Variants in TRPC3 observed in about 807,000 individuals in gnomAD.
TRPC3 encodes the protein transient receptor potential cation channel subfamily C member 3, also known as short transient receptor potential channel 3.
Under a neutral mutation model 90.9 loss-of-function variants are expected in TRPC3, and 54 were observed. The ratio of observed to expected loss-of-function variants is 0.59; its 90% CI spans 0.48 to 0.75. The LOEUF (loss-of-function observed/expected upper bound fraction) is 0.75, where lower values mean the gene tolerates loss of function less well. TRPC3 is among the 30% of genes least tolerant of loss of function. The pLI, the probability that TRPC3 is intolerant of heterozygous loss-of-function variation, is 0.00. For missense variants in TRPC3, 918 were observed against 1,194.5 expected, an observed-to-expected ratio of 0.77 and a Z score of 3.41; for synonymous variants, 424 against 450.9, an observed-to-expected ratio of 0.94 and a Z score of 0.75.
At chr4:121,912,715 G>C (rs1046271735) in intron 4 of TRPC3, among the ~76,000 whole-genome samples, 1 of 152,102 alleles carries the variant, frequency 6.6e-6, no homozygotes, top group Non-Finnish European at 1.5e-5. Flanking sequence ...CCTCTAAGTA[G>C]GTTAACTTAT....
chr4:121,898,925 T>C (rs1728609626), intron 10 of TRPC3, among the ~76,000 whole-genome samples: 1 of 152,164 alleles, frequency 6.6e-6, no homozygotes, highest in Admixed American at 6.5e-5. Flanking sequence ...GGTTTCCTGC[T>C]TCTAAAAAAA....
In TRPC3 at chr4:121,878,079, A is replaced by T. The variant is rs906399085; in HGVS notation, c.*1657T>A. 6.6e-6 allele frequency among the ~76,000 whole-genome samples: 1 copy of T among 152,250 alleles called. No individual in the cohort carries two copies. The highest frequency in any genetic ancestry group is 1.5e-5 in the Non-Finnish European group (1 of 68,036). ...TTACTATCTTAACATATGGTAACAT[A>T]TAACAATGGAAAAATTCAATATTTT... On this transcript the variant is annotated 3_prime_UTR_variant, in exon 12 of 12. Transcript: ENST00000379645.
chr4:121,897,453 CAAAAAAAAAAAAAAAAAAAAAAA>C lies in TRPC3; in HGVS notation c.2547+2136_2547+2158del, dbSNP rs70950860. On this transcript the variant is annotated intron_variant, in intron 10 of 11. Transcript: ENST00000379645. ...ACAGGGAACTCAATCATCTCAACAGCAAAAAAAAAAAAAAAAAAAAAAAAAAAAAAAAAAAAAAATTCCAATTA... is the reference window on the plus strand; with the variant it reads ...ACAGGGAACTCAATCATCTCAACAGCAAAAAAAAAAAAAAAATTCCAATTA... Among the ~76,000 whole-genome samples the C allele has an allele frequency of 1.2e-4, 5 of 43,434 alleles. 1 individual carries two copies. The South Asian group carries it at 3.8e-3, about 33-fold the overall frequency. 28.5% of individuals were successfully genotyped at this position (43,434 alleles called of 152,430 possible).
chr4:121,940,602 T>G (rs771342902), intron 1 of TRPC3, among the ~76,000 whole-genome samples: 7 of 152,226 alleles, frequency 4.6e-5, no homozygotes, highest in Non-Finnish European at 7.3e-5. Flanking sequence ...TACATTACAC[T>G]TCTGTATACA....
At chr4:121,924,194 G>T (rs1053881423) in intron 3 of TRPC3, among the ~76,000 whole-genome samples, 1 of 152,254 alleles carries the variant, frequency 6.6e-6, no homozygotes, top group African/African-American at 2.4e-5. Flanking sequence ...TCTATCTGAT[G>T]TATTTTATAG....
At chr4:121,912,163 G>C in intron 4 of TRPC3, 70 bp from the exon 5 acceptor site, 2 of 1,291,190 alleles carry the variant, frequency 1.5e-6, no homozygotes, top group Admixed American at 2.4e-5. Flanking sequence ...TTACAACATA[G>C]GATTAAAAAA....
intron 1 of TRPC3, among the ~76,000 whole-genome samples, chr4:121,943,974 A>G (rs1730406604): frequency 6.6e-6 from 1 of 152,180 alleles, no homozygotes; most frequent in African/African-American, 2.4e-5. Flanking sequence ...CCTAAATGCT[A>G]AATTAAACAC....
rs892886893 is a variant in TRPC3 at position 121,932,862 on chromosome 4, C to T, written c.396G>A (p.Leu132=). ...TGACGTTCAGCGTCTTGGACTCCTC[C>T]AGCATCTTGCGCACCACTGGGATGT... ...YGNIPVVRKM[L]EESKTLNVNC... is the part of the protein sequence containing the mutation. Residue 132 remains leucine, a synonymous_variant, in exon 2 of 12, where the codon CTG becomes CTA. Coordinates refer to ENST00000379645, the MANE Select transcript of TRPC3 (RefSeq NM_001130698.2). This position sits in a 1 kb window ranked among gnomAD's most constrained non-coding sequence, Gnocchi z 7.7. 8 of 1,613,552 alleles carry T rather than the reference C, an allele frequency of 5.0e-6. No homozygotes were observed. Among genetic ancestry groups the T allele is most frequent in the Non-Finnish European group, 5.9e-6 (7 of 1,179,656 alleles).
In TRPC3 at chr4:121,951,481, G is replaced by C; in HGVS notation, c.200C>G (p.Ser67Cys). 9 of 1,319,358 alleles carry C rather than the reference G, an allele frequency of 6.8e-6. No homozygotes were observed. Among genetic ancestry groups the C allele is most frequent in the Non-Finnish European group, 8.7e-6 (9 of 1,036,254 alleles). The allele number at this position is 1,319,358 out of a possible 1,614,324, so 81.7% of individuals were successfully genotyped here. ...EPHGYCPPPF[S>C]HGPDLSMEGS... Reference sequence around the variant, plus strand: ...CGGTACTCACAGGTCCGGCCCGTGGGAGAAGGGCGGCGGGCAGTAGCCGTG... The same window carrying C: ...CGGTACTCACAGGTCCGGCCCGTGGCAGAAGGGCGGCGGGCAGTAGCCGTG... The change falls in exon 1 of 12, where the codon TCC becomes TGC. Residue 67 changes from serine to cysteine, a missense_variant. This residue lies in a region of TRPC3 where 609 missense variants were observed against 725.9 expected (regional missense o/e 0.84). Transcript: ENST00000379645. The surrounding 1 kb of genome is among the most constrained non-coding windows in gnomAD (Gnocchi z 4.4).
Position 121,951,351 on chromosome 4 carries a change from C to G in TRPC3, c.215+115G>C. 1.6e-6 allele frequency: 1 copy of G among 623,236 alleles called. No individual in the cohort carries two copies. Among genetic ancestry groups the G allele is most frequent in the Non-Finnish European group, 2.1e-6 (1 of 469,216 alleles). The allele number at this position is 623,236 out of a possible 1,614,324, so 38.6% of individuals were successfully genotyped here. On this transcript the variant is annotated intron_variant, in intron 1 of 11. Transcript: ENST00000379645. This position sits in a 1 kb window ranked among gnomAD's most constrained non-coding sequence, Gnocchi z 4.4. ...CTCCAAATCGAACTGCCTGGCCGTA[C>G]CATGTGGGTCTCGGAGGTCCCGGGC...
intron 5 of TRPC3, 30 bp downstream of exon 5, chr4:121,911,847 A>AAATT: frequency 6.4e-7 from 1 of 1,563,794 alleles, no homozygotes; most frequent in South Asian, 1.2e-5. Flanking sequence ...CTTTTGGTAG[A>AAATT]AATTAGGATA....
chr4:121,895,694 A>T (rs1728495863), intron 10 of TRPC3, among the ~76,000 whole-genome samples: 1 of 152,138 alleles, frequency 6.6e-6, no homozygotes, highest in Non-Finnish European at 1.5e-5. Context: ...ATGAGTGCAT[A>T]AAACATCTCC....
chr4:121,947,770 C>G (rs1188606830), intron 1 of TRPC3, among the ~76,000 whole-genome samples: 1 of 152,136 alleles, frequency 6.6e-6, no homozygotes, highest in East Asian at 1.9e-4. Context: ...TTTGGCAGCA[C>G]TTCCTCTAAA....
At chr4:121,907,686 C>T in intron 6 of TRPC3, 119 bp from the exon 7 acceptor site, 6 of 1,091,906 alleles carry the variant, frequency 5.5e-6, no homozygotes, top group Non-Finnish European at 7.8e-6. Flanking sequence ...TCAGTTGAAA[C>T]TAATCTAGAT....
At chr4:121,896,647 TACAA>T (rs1728525160) in intron 10 of TRPC3, among the ~76,000 whole-genome samples, 1 of 151,906 alleles carries the variant, frequency 6.6e-6, no homozygotes, top group East Asian at 1.9e-4. Context: ...CTGAAGAGGA[TACAA>T]ACAAAGGGAA....
At chr4:121,948,507 G>A (rs1255841983) in intron 1 of TRPC3, among the ~76,000 whole-genome samples, 2 of 152,112 alleles carry the variant, frequency 1.3e-5, no homozygotes, top group South Asian at 2.1e-4. Context: ...AATCCAGAGT[G>A]GGTTTGCTCA....
At position 121,879,635 on chromosome 4, in the gene TRPC3, T is replaced by A. The variant is rs1727874317; in HGVS notation, c.*101A>T. On this transcript the variant is annotated 3_prime_UTR_variant, in exon 12 of 12. Coordinates refer to ENST00000379645, the MANE Select transcript of TRPC3 (RefSeq NM_001130698.2). ...TAAAGGTTCACATGATAAAGGTAGT[T>A]AATACTAAAAATTTACATCATAGTT... is the stretch of plus-strand genomic sequence containing the variant. 7.7e-7 allele frequency: 1 copy of A among 1,299,866 alleles called. No individual in the cohort carries two copies. Among genetic ancestry groups the A allele is most frequent in the African/African-American group, 1.5e-5 (1 of 65,434 alleles). The allele number at this position is 1,299,866 out of a possible 1,614,324, so 80.5% of individuals were successfully genotyped here. A position where few individuals can be genotyped will look rare whatever the true frequency, so the allele number is the denominator to read the frequency against.
At chr4:121,941,684 TGTCA>T (rs1346605093) in intron 1 of TRPC3, among the ~76,000 whole-genome samples, 1 of 152,216 alleles carries the variant, frequency 6.6e-6, no homozygotes, top group Non-Finnish European at 1.5e-5. Flanking sequence ...AGCAGGCACC[TGTCA>T]GTCAATGTGG....
chr4:121,907,160 A>G (rs973993971), intron 7 of TRPC3, 143 bp downstream of exon 7: 4 of 778,276 alleles, frequency 5.1e-6, no homozygotes, highest in African/African-American at 1.8e-5. Flanking sequence ...AATATAATCA[A>G]CACAAGCACT....
Sources: allele counts gnomAD v4.1 joint callset (sites outside exome capture counted in the v4.1 genomes callset), GRCh38; gene constraint gnomAD v4.1.1; regional missense constraint gnomAD v4.1.1; non-coding constraint Gnocchi (gnomAD v3.1); transcripts MANE v1.5; gene names NCBI Gene and HGNC (gene_info 2026-07-23, HGNC 2026-07-21).